The following ROBO2 variants were observed in gnomAD, a reference collection of about 807,000 sequenced individuals.
ROBO2 encodes roundabout guidance receptor 2.
A neutral mutation model predicts 160.8 loss-of-function variants in ROBO2; 53 were observed. That is an observed-to-expected ratio of 0.33 (90% confidence interval 0.26 to 0.41). ROBO2 has a LOEUF of 0.41. Ranked by LOEUF, ROBO2 falls within the 10% of genes least tolerant of loss-of-function variation. ROBO2 has a pLI of 1.00. For synonymous variants in ROBO2, 664 were observed against 611.7 expected (o/e 1.09, Z -1.26); for missense variants, 1,577 against 1,722.4 (o/e 0.92, Z 1.49).
chr3:76,565,934 G>A (rs1374847), intron 2 of ROBO2, among the ~76,000 whole-genome samples: 72,062 of 151,906 alleles, frequency 0.47, 19,501 homozygotes, highest in Non-Finnish European at 0.59. Context: ...AACTCCCATA[G>A]CACACTCATC....
chr3:76,030,044 T>C (rs575722812), intron 2 of ROBO2, among the ~76,000 whole-genome samples: 1 of 152,186 alleles, frequency 6.6e-6, no homozygotes, highest in Non-Finnish European at 1.5e-5. Flanking sequence ...CCTGACTTTT[T>C]AATGATTGCC....
intron 6 of ROBO2, among the ~76,000 whole-genome samples, chr3:77,530,060 ATTAT>A (rs2091534211): frequency 1.3e-5 from 2 of 151,946 alleles, no homozygotes; most frequent in African/African-American, 4.8e-5. Flanking sequence ...AAACTACATT[ATTAT>A]TTATATTTGT....
chr3:76,056,854 A>G (rs1443345731), intron 2 of ROBO2, among the ~76,000 whole-genome samples: 1 of 152,226 alleles, frequency 6.6e-6, no homozygotes, highest in Non-Finnish European at 1.5e-5. Flanking sequence ...TGTCAGATGT[A>G]GTAAATTGCA....
rs1376559009 is a variant in ROBO2 at position 76,324,725 on chromosome 3, A to G, written c.109+387123A>G. On this transcript the variant is annotated intron_variant, in intron 2 of 26. Coordinates refer to the ROBO2 transcript ENST00000487694. ...TTCTTCCTCAATAATTCTGGAATTAAATATCAAAAAACTTCTCTGGAAAAA... is the reference window on the plus strand; with the variant it reads ...TTCTTCCTCAATAATTCTGGAATTAGATATCAAAAAACTTCTCTGGAAAAA... Among the ~76,000 whole-genome samples the G allele has an allele frequency of 2.6e-5, 4 of 152,320 alleles. No homozygotes were observed. The East Asian group carries it at 5.8e-4, about 22-fold the overall frequency.
chr3:77,223,131 C>A (rs1222170532), intron 2 of ROBO2, among the ~76,000 whole-genome samples: 1 of 152,140 alleles, frequency 6.6e-6, no homozygotes, highest in Non-Finnish European at 1.5e-5. Context: ...TAGCTGAAAT[C>A]TACTTTAATA....
At chr3:76,326,663 CATTGTGCAG>C (rs899411389) in intron 2 of ROBO2, among the ~76,000 whole-genome samples, 27 of 151,636 alleles carry the variant, frequency 1.8e-4, no homozygotes, top group Non-Finnish European at 3.4e-4. Context: ...TACATGTGCA[CATTGTGCAG>C]GTTAGTTACA....
intron 1 of ROBO2, among the ~76,000 whole-genome samples, chr3:75,923,829 G>A (rs927954737): frequency 2.0e-5 from 3 of 152,212 alleles, no homozygotes; most frequent in African/African-American, 4.8e-5. Flanking sequence ...TGCACTGGTA[G>A]GAGGTGTAAT....
intron 8 of ROBO2, among the ~76,000 whole-genome samples, chr3:77,555,998 G>C (rs1582918314): frequency 6.6e-6 from 1 of 151,974 alleles, no homozygotes; most frequent in East Asian, 1.9e-4. Flanking sequence ...ACCTTTGGCT[G>C]CATCTAATGA....
chr3:77,183,682 C>T (rs567850270), intron 2 of ROBO2, among the ~76,000 whole-genome samples: 6 of 152,076 alleles, frequency 3.9e-5, no homozygotes, highest in African/African-American at 1.2e-4. Flanking sequence ...GCATCCCCAG[C>T]CAACTACTAC....
chr3:76,886,522 A>C (rs73128909), intron 2 of ROBO2, among the ~76,000 whole-genome samples: 15,038 of 152,162 alleles, frequency 0.099, 865 homozygotes, highest in South Asian at 0.16. Flanking sequence ...GAGGGAATGT[A>C]GGTTTTCCTT....
At chr3:76,944,264 A>C (rs1035030658) in intron 2 of ROBO2, among the ~76,000 whole-genome samples, 7 of 152,196 alleles carry the variant, frequency 4.6e-5, no homozygotes, top group African/African-American at 1.7e-4. Flanking sequence ...CAAATTTTTC[A>C]AGTCCAAATA....
intron 2 of ROBO2, among the ~76,000 whole-genome samples, chr3:76,777,717 C>A (rs1175173832): frequency 6.6e-6 from 1 of 150,968 alleles, no homozygotes; most frequent in Non-Finnish European, 1.5e-5. Flanking sequence ...GTAGAAAAGA[C>A]CCGTACCTCT....
At chr3:76,347,686 A>G (rs2074611124) in intron 2 of ROBO2, among the ~76,000 whole-genome samples, 1 of 151,986 alleles carries the variant, frequency 6.6e-6, no homozygotes, top group Non-Finnish European at 1.5e-5. Context: ...AGGGGTGGTC[A>G]TATTTCACTC....
chr3:77,471,755 T>A (rs562819395), intron 2 of ROBO2, among the ~76,000 whole-genome samples: 1 of 152,172 alleles, frequency 6.6e-6, no homozygotes, highest in Non-Finnish European at 1.5e-5. Context: ...TGAAGCTTAA[T>A]TATTCTCCTC....
intron 2 of ROBO2, among the ~76,000 whole-genome samples, chr3:77,355,635 A>C (rs142991936): frequency 3.3e-5 from 5 of 152,304 alleles, no homozygotes; most frequent in African/African-American, 1.2e-4. Context: ...CTTAGGAAAA[A>C]TAATTTCAAA....
chr3:77,128,012 C>A (rs1024654154), intron 2 of ROBO2, among the ~76,000 whole-genome samples: 14 of 152,052 alleles, frequency 9.2e-5, no homozygotes, highest in African/African-American at 3.4e-4. Context: ...TTTGATGGTT[C>A]TAAACTTATA....
intron 2 of ROBO2, among the ~76,000 whole-genome samples, chr3:76,674,515 C>T (rs1410746760): frequency 6.6e-6 from 1 of 151,480 alleles, no homozygotes; most frequent in South Asian, 2.1e-4. Flanking sequence ...TCTCTCAAGT[C>T]CTTTCCAAAA....
intron 2 of ROBO2, among the ~76,000 whole-genome samples, chr3:76,744,827 T>C (rs2093859115): frequency 6.6e-6 from 1 of 152,186 alleles, no homozygotes; most frequent in Non-Finnish European, 1.5e-5. Flanking sequence ...TTCAAAAGTA[T>C]AATATTTTAG....
At chr3:76,136,150 A>G (rs2071421280) in intron 2 of ROBO2, among the ~76,000 whole-genome samples, 1 of 152,128 alleles carries the variant, frequency 6.6e-6, no homozygotes, top group African/African-American at 2.4e-5. Context: ...CATTGGGTTT[A>G]ATACTCTCTT....
Sources: gnomAD v4.1 joint callset for allele counts (sites outside exome capture counted in the v4.1 genomes callset) on GRCh38, gnomAD v4.1.1 for gene constraint, MANE v1.5 for transcripts, NCBI Gene and HGNC (gene_info 2026-07-23, HGNC 2026-07-21) for gene names.